The following NKD1 variants were observed in gnomAD, a reference collection of about 807,000 sequenced individuals.
The protein encoded by NKD1 is protein naked cuticle homolog 1.
Under a neutral mutation model 56.0 loss-of-function variants are expected in NKD1, and 21 were observed. The observed-to-expected ratio is 0.38, with a 90% CI of 0.27 to 0.54. NKD1 has a LOEUF of 0.54. Among genes scored for constraint, NKD1 ranks in the 20% least tolerant of loss-of-function variants. The pLI is 0.82. For missense variants in NKD1, 578 were observed against 642.7 expected (o/e 0.90, Z 1.09); for synonymous variants, 263 against 265.7 (o/e 0.99, Z 0.10).
chr16:50,572,912 G>A, intron 3 of NKD1: 2 of 980,402 alleles, frequency 2.0e-6, no homozygotes, highest in Non-Finnish European at 2.4e-6. Flanking sequence ...CCTGCCCCGT[G>A]CAGAAGAGGG....
rs1480661818 is a variant in NKD1 at position 50,632,209 on chromosome 16, T to A, written c.696-72T>A. The A allele has an allele frequency of 1.3e-6, 2 of 1,493,652 alleles. No homozygotes were observed. The highest frequency in any genetic ancestry group is 2.8e-5 in the African/African-American group (2 of 72,110). The allele number at this position is 1,493,652 out of a possible 1,614,324, so 92.5% of individuals were successfully genotyped here. A position where few individuals can be genotyped will look rare whatever the true frequency, so the allele number is the denominator to read the frequency against. ...GGGTCCAGAGTTCATTCTGGGGGCT[T>A]CCTAGTAGCCTATGCGCTTGCCCCC... is the stretch of plus-strand genomic sequence containing the variant. On this transcript the variant is annotated intron_variant, in intron 8 of 9. Transcript: ENST00000268459. This position sits in a 1 kb window ranked among gnomAD's most constrained non-coding sequence, Gnocchi z 4.1.
In NKD1 at chr16:50,632,933, G is replaced by C. The variant is rs901583409; in HGVS notation, c.824-259G>C. ...CCCAGTGACCTTAGATAGTTTTCGG[G>C]GTCTCTGCTGCCATCTGTCTTTCTC... On this transcript the variant is annotated intron_variant, in intron 9 of 9. Coordinates refer to ENST00000268459, the MANE Select transcript of NKD1 (RefSeq NM_033119.5). This position sits in a 1 kb window ranked among gnomAD's most constrained non-coding sequence, Gnocchi z 4.1. Among the ~76,000 whole-genome samples the C allele has an allele frequency of 1.3e-5, 2 of 152,038 alleles. No individual in the cohort carries two copies.
At position 50,642,709 on chromosome 16, in the gene NKD1, T is replaced by G. The variant is rs1309089541; in HGVS notation, c.*8928T>G. 2 of 152,268 alleles carry G rather than the reference T, an allele frequency of 1.3e-5. No individual in the cohort carries two copies. The highest frequency in any genetic ancestry group is 2.9e-5 in the Non-Finnish European group (2 of 68,072). The allele number at this position is 152,268 out of a possible 1,614,324, so 9.4% of individuals were successfully genotyped here. A position where few individuals can be genotyped will look rare whatever the true frequency, so the allele number is the denominator to read the frequency against. On this transcript the variant is annotated 3_prime_UTR_variant, in exon 10 of 10. Coordinates refer to ENST00000268459, the MANE Select transcript of NKD1 (RefSeq NM_033119.5). Reference sequence around the variant, plus strand: ...AACAGTAGCTGCAGTTAGGAGAATGTGACCCCAGAAGGCTCATGGGAAAGG... The same window carrying G: ...AACAGTAGCTGCAGTTAGGAGAATGGGACCCCAGAAGGCTCATGGGAAAGG...
chr16:50,591,410 C>T lies in NKD1; in HGVS notation c.193-16884C>T, dbSNP rs192653906. Among the ~76,000 whole-genome samples the T allele has an allele frequency of 2.5e-3, 376 of 152,308 alleles. 4 individuals are homozygous for T. The highest frequency in any genetic ancestry group is 0.024 in the Admixed American group (365 of 15,298). ...CTCAAAATACTTTTGCCTCCTGAGA[C>T]AGACGGTACTGAGGACGGATCATTG... On this transcript the variant is annotated intron_variant, in intron 3 of 9. Transcript: ENST00000268459.
chr16:50,579,436 G>T (rs866234010), intron 3 of NKD1, among the ~76,000 whole-genome samples: 3 of 141,690 alleles, frequency 2.1e-5, no homozygotes, highest in Admixed American at 1.4e-4. Context: ...CGCTACACAC[G>T]CACTCTAACC....
intron 4 of NKD1, among the ~76,000 whole-genome samples, chr16:50,612,465 C>T (rs1320585822): frequency 6.6e-6 from 1 of 152,236 alleles, no homozygotes; most frequent in Non-Finnish European, 1.5e-5. Flanking sequence ...CCTGGGTTCA[C>T]AGGCACGAGC....
intron 3 of NKD1, among the ~76,000 whole-genome samples, chr16:50,588,729 G>A (rs894086165): frequency 3.4e-5 from 5 of 148,704 alleles, no homozygotes; most frequent in Admixed American, 1.4e-4. Flanking sequence ...TCAGCTTCCC[G>A]ATTAGCTGGG....
At chr16:50,562,506 T>C (rs1341650472) in intron 3 of NKD1, among the ~76,000 whole-genome samples, 2 of 152,208 alleles carry the variant, frequency 1.3e-5, no homozygotes, top group Non-Finnish European at 2.9e-5. Context: ...GGAAACAGCA[T>C]GTGTAGGCAA....
intron 3 of NKD1, among the ~76,000 whole-genome samples, chr16:50,588,035 C>A (rs958079846): frequency 6.6e-6 from 1 of 152,208 alleles, no homozygotes; most frequent in Non-Finnish European, 1.5e-5. Context: ...GGTTGGGGAT[C>A]ACTGCCCTAG....
At chr16:50,625,663 C>A in intron 6 of NKD1, 83 bp downstream of exon 6, 1 of 849,070 alleles carries the variant, frequency 1.2e-6, no homozygotes, top group South Asian at 1.4e-5. Flanking sequence ...ACTGCCACTT[C>A]TCTCCCCTGC....
At chr16:50,562,980 A>T (rs897351741) in intron 3 of NKD1, among the ~76,000 whole-genome samples, 1 of 56,376 alleles carries the variant, frequency 1.8e-5, no homozygotes, top group African/African-American at 9.5e-5. Context: ...GCTAGGTCCC[A>T]CCACCACCCC....
At chr16:50,625,848 G>A (rs201402031) in intron 6 of NKD1, among the ~76,000 whole-genome samples, 19 of 152,170 alleles carry the variant, frequency 1.2e-4, no homozygotes, top group East Asian at 1.9e-4. Flanking sequence ...AGTTGGGGGG[G>A]GCAGGTGCAG....
intron 3 of NKD1, among the ~76,000 whole-genome samples, chr16:50,599,291 A>G (rs1961544372): frequency 6.6e-6 from 1 of 152,194 alleles, no homozygotes; most frequent in Non-Finnish European, 1.5e-5. Flanking sequence ...AGCACTGTAC[A>G]CATACTCTCC....
At position 50,638,074 on chromosome 16, in the gene NKD1, G is replaced by C. The variant is rs1000127318; in HGVS notation, c.*4293G>C. The C allele has an allele frequency of 2.0e-5, 3 of 152,232 alleles. No homozygotes were observed. Among genetic ancestry groups the C allele is most frequent in the African/African-American group, 7.2e-5 (3 of 41,446 alleles). 9.4% of individuals were successfully genotyped at this position (152,232 alleles called of 1,614,324 possible). ...TCACTCCTACAGCCCCGTTTTCTCA[G>C]TGTTTAGACCTCGAATTATTACTGG... On this transcript the variant is annotated 3_prime_UTR_variant, in exon 10 of 10. Coordinates refer to ENST00000268459, the MANE Select transcript of NKD1 (RefSeq NM_033119.5).
intron 3 of NKD1, chr16:50,566,246 A>G (rs976682250): frequency 3.3e-6 from 3 of 898,778 alleles, no homozygotes; most frequent in Non-Finnish European, 4.0e-6. Flanking sequence ...AGTGGACTTC[A>G]GTTACAGCTG....
In NKD1 at chr16:50,640,307, CCT is replaced by C. The variant is rs1962555535; in HGVS notation, c.*6527_*6528del. On this transcript the variant is annotated 3_prime_UTR_variant, in exon 10 of 10. Coordinates refer to ENST00000268459, the MANE Select transcript of NKD1 (RefSeq NM_033119.5). Reference sequence around the variant, plus strand: ...CCTCATCCCCAAGCCCTGGCATCCCCCTGTTCTTCTAAAATAATTCTTTTCTA... The same window carrying C: ...CCTCATCCCCAAGCCCTGGCATCCCCGTTCTTCTAAAATAATTCTTTTCTA... 6.6e-6 allele frequency: 1 copy of C among 152,238 alleles called. No homozygotes were observed. Among genetic ancestry groups the C allele is most frequent in the African/African-American group, 2.4e-5 (1 of 41,444 alleles). 9.4% of individuals were successfully genotyped at this position (152,238 alleles called of 1,614,324 possible).
At chr16:50,591,739 C>T (rs147703225) in intron 3 of NKD1, among the ~76,000 whole-genome samples, 1 of 152,324 alleles carries the variant, frequency 6.6e-6, no homozygotes, top group Non-Finnish European at 1.5e-5. Flanking sequence ...AAGCACGGAG[C>T]CAGTGAAGGC....
chr16:50,572,452 T>C (rs1278751124), intron 3 of NKD1, among the ~76,000 whole-genome samples: 3 of 152,232 alleles, frequency 2.0e-5, no homozygotes, highest in Non-Finnish European at 4.4e-5. Flanking sequence ...GAGCTTCAGC[T>C]ATCCTGTCTG....
chr16:50,606,744 G>A, intron 3 of NKD1: 2 of 452,212 alleles, frequency 4.4e-6, no homozygotes, highest in Non-Finnish European at 4.5e-6. Context: ...GCCCCGCTCT[G>A]CAGAAGACCT....
Sources: gnomAD v4.1 joint callset for allele counts (sites outside exome capture counted in the v4.1 genomes callset) on GRCh38, gnomAD v4.1.1 for gene constraint, Gnocchi (gnomAD v3.1) non-coding constraint, MANE v1.5 for transcripts, NCBI Gene and HGNC (gene_info 2026-07-23, HGNC 2026-07-21) for gene names.